TAB2: variants seen among roughly 807,000 people sequenced by gnomAD.
The protein encoded by TAB2 is TGF-beta-activated kinase 1 and MAP3K7-binding protein 2.
TAB2 carries 3 observed loss-of-function variants against 65.0 expected under a neutral mutation model. The observed-to-expected ratio is 0.05, with a 90% CI of 0.02 to 0.12. The LOEUF (loss-of-function observed/expected upper bound fraction) is 0.12, where lower values mean the gene tolerates loss of function less well. Among genes scored for constraint, TAB2 ranks in the 10% least tolerant of loss-of-function variants. The probability of loss-of-function intolerance (pLI) is 1.00; values close to 1 mark genes in which losing one functional copy is unlikely to be tolerated. For missense variants in TAB2, 623 were observed against 840.3 expected, an observed-to-expected ratio of 0.74 and a Z score of 3.20; for synonymous variants, 298 against 285.1, an observed-to-expected ratio of 1.05 and a Z score of -0.46.
At chr6:149,308,323 G>A (rs922690862) in intron 1 of TAB2, among the ~76,000 whole-genome samples, 2 of 152,054 alleles carry the variant, frequency 1.3e-5, no homozygotes, top group Non-Finnish European at 2.9e-5. Context: ...CCACTCCCAG[G>A]ATACAAGAAT....
intron 1 of TAB2, among the ~76,000 whole-genome samples, chr6:149,326,550 T>C (rs1779624260): frequency 2.5e-5 from 1 of 40,316 alleles, no homozygotes; most frequent in Non-Finnish European, 5.7e-5. Flanking sequence ...GTTTTTGTTA[T>C]TATTTTTTTT....
chr6:149,223,698 T>A (rs1201276823), intron 1 of TAB2, among the ~76,000 whole-genome samples: 2 of 152,202 alleles, frequency 1.3e-5, no homozygotes, highest in Non-Finnish European at 2.9e-5. Flanking sequence ...TGTAAAAAAA[T>A]GTTAAGCTGT....
intron 5 of TAB2, among the ~76,000 whole-genome samples, chr6:149,398,831 A>G (rs763590): frequency 4.1e-4 from 63 of 151,974 alleles, no homozygotes; most frequent in Non-Finnish European, 5.7e-4. Flanking sequence ...TAGAACAGGG[A>G]TCTACTTCTA....
chr6:149,248,158 G>T (rs9498268), intron 1 of TAB2, among the ~76,000 whole-genome samples: 37 of 152,280 alleles, frequency 2.4e-4, no homozygotes, highest in African/African-American at 7.7e-4. Context: ...TTGGGAGGCC[G>T]AGGTGAGTGG....
chr6:149,347,002 C>T (rs55763048), intron 1 of TAB2, among the ~76,000 whole-genome samples: 2 of 151,948 alleles, frequency 1.3e-5, no homozygotes, highest in Non-Finnish European at 2.9e-5. Flanking sequence ...TATTTATGCA[C>T]AGGATAGATT....
At chr6:149,371,861 A>G (rs778167037) in intron 2 of TAB2, among the ~76,000 whole-genome samples, 16 of 152,218 alleles carry the variant, frequency 1.1e-4, no homozygotes, top group Non-Finnish European at 2.1e-4. Flanking sequence ...TGTAATAAAG[A>G]TGGAGTCAGA....
At chr6:149,254,010 G>GAAAGAAAGAAAGAAAGAA (rs1777933603) in intron 1 of TAB2, among the ~76,000 whole-genome samples, 1 of 137,166 alleles carries the variant, frequency 7.3e-6, no homozygotes, top group African/African-American at 2.7e-5. Flanking sequence ...AAGAAAGAAA[G>GAAAGAAAGAAAGAAAGAA]AAAGAAAGAA....
At chr6:149,356,268 T>C (rs1262628649) in intron 1 of TAB2, among the ~76,000 whole-genome samples, 1 of 152,226 alleles carries the variant, frequency 6.6e-6, no homozygotes, top group Non-Finnish European at 1.5e-5. Context: ...TTCACAGTGA[T>C]TCTGTGACTA....
chr6:149,303,266 A>T (rs1432433560), intron 1 of TAB2, among the ~76,000 whole-genome samples: 1 of 152,236 alleles, frequency 6.6e-6, no homozygotes, highest in Non-Finnish European at 1.5e-5. Context: ...CAATAAATGC[A>T]ATGCTTTTGA....
At chr6:149,221,813 T>C (rs141068899) in intron 1 of TAB2, among the ~76,000 whole-genome samples, 179 of 152,316 alleles carry the variant, frequency 1.2e-3, no homozygotes, top group African/African-American at 4.2e-3. Flanking sequence ...AGCCCAGGTC[T>C]GATGTTGGGA....
chr6:149,400,306 G>T, intron 6 of TAB2: 1 of 1,460,334 alleles, frequency 6.8e-7, no homozygotes, highest in Non-Finnish European at 9.3e-7. Flanking sequence ...ACCTCCTGCT[G>T]CTCTTCCTGC....
intron 6 of TAB2, among the ~76,000 whole-genome samples, chr6:149,403,679 A>T (rs1282972901): frequency 6.6e-6 from 1 of 152,044 alleles, no homozygotes; most frequent in Non-Finnish European, 1.5e-5. Flanking sequence ...TGTCACTGAC[A>T]TCTGCTTAGT....
chr6:149,340,540 A>G (rs192410764), intron 1 of TAB2, among the ~76,000 whole-genome samples: 23 of 152,194 alleles, frequency 1.5e-4, no homozygotes, highest in Admixed American at 3.9e-4. Context: ...ATACCTGGAA[A>G]AGCCAAGAGA....
chr6:149,282,770 T>C (rs1367749819), intron 1 of TAB2, among the ~76,000 whole-genome samples: 2 of 152,178 alleles, frequency 1.3e-5, no homozygotes, highest in Non-Finnish European at 2.9e-5. Flanking sequence ...CAACAAATCC[T>C]AAAGCTATGA....
At chr6:149,364,104 C>T in intron 1 of TAB2, among the ~76,000 whole-genome samples, 1 of 152,156 alleles carries the variant, frequency 6.6e-6, no homozygotes, top group Non-Finnish European at 1.5e-5. Flanking sequence ...ATCCACAGTA[C>T]AGGCTATTAC....
intron 3 of TAB2, among the ~76,000 whole-genome samples, chr6:149,397,294 A>C (rs1392886677): frequency 6.6e-6 from 1 of 152,040 alleles, no homozygotes; most frequent in African/African-American, 2.4e-5. Flanking sequence ...ATACAAAATT[A>C]GTGGGGTGTG....
At position 149,378,963 on chromosome 6, in the gene TAB2, A is replaced by G; in HGVS notation, c.1048A>G (p.Ser350Gly). ...KLRSSGPRTS[S>G]TSSSVNSQTL... ...GCGTTCTTCTGGACCTCGAACCTCCAGCACTTCCTCTTCAGTCAATAGCCA... is the reference window on the plus strand; with the variant it reads ...GCGTTCTTCTGGACCTCGAACCTCCGGCACTTCCTCTTCAGTCAATAGCCA... Residue 350 changes from serine to glycine, a missense_variant, in exon 3 of 7, where the codon AGC (serine) becomes GGC (glycine). Physicochemically the swap from Ser to Gly is moderately conservative, Grantham distance 56. Transcript: ENST00000637181. 1.2e-6 allele frequency: 2 copies of G among 1,614,204 alleles called. No individual in the cohort carries two copies. The highest frequency in any genetic ancestry group is 1.7e-6 in the Non-Finnish European group (2 of 1,180,044).
chr6:149,342,245 A>G (rs889348106), intron 1 of TAB2, among the ~76,000 whole-genome samples: 2 of 152,184 alleles, frequency 1.3e-5, no homozygotes, highest in Non-Finnish European at 2.9e-5. Context: ...GGAATGGATC[A>G]TAGGAAATTA....
At chr6:149,320,346 A>G (rs114204847) in intron 1 of TAB2, among the ~76,000 whole-genome samples, 2,396 of 152,260 alleles carry the variant, frequency 0.016, 52 homozygotes, top group South Asian at 0.097. Flanking sequence ...CAAATGCCTA[A>G]TGAAATGAGG....
Sources: gnomAD v4.1 joint callset for allele counts (sites outside exome capture counted in the v4.1 genomes callset) on GRCh38, gnomAD v4.1.1 for gene constraint, MANE v1.5 for transcripts, NCBI Gene and HGNC (gene_info 2026-07-23, HGNC 2026-07-21) for gene names.